The following MYO3B variants were observed in gnomAD, a reference collection of about 807,000 sequenced individuals.
MYO3B encodes myosin-IIIb.
A neutral mutation model predicts 174.6 loss-of-function variants in MYO3B; 156 were observed. The ratio of observed to expected loss-of-function variants is 0.89; its 90% CI spans 0.78 to 1.02. The LOEUF (loss-of-function observed/expected upper bound fraction) is 1.02. Ranked by LOEUF, MYO3B falls within the 50% of genes least tolerant of loss-of-function variation. The pLI is 0.00. For synonymous variants in MYO3B, 563 were observed against 569.1 expected (o/e 0.99, Z 0.15); for missense variants, 1,632 against 1,639.4 (o/e 1.00, Z 0.08).
intron 9 of MYO3B, among the ~76,000 whole-genome samples, chr2:170,374,240 C>T (rs1054765098): frequency 6.6e-6 from 1 of 152,078 alleles, no homozygotes; most frequent in African/African-American, 2.4e-5. Context: ...GCAAGGGAAT[C>T]GAGGTTAGTA....
At chr2:170,205,722 C>T (rs1159858221) in intron 3 of MYO3B, among the ~76,000 whole-genome samples, 3 of 152,080 alleles carry the variant, frequency 2.0e-5, no homozygotes, top group Non-Finnish European at 4.4e-5. Context: ...TTGATTACGT[C>T]AATATCTTCC....
chr2:170,212,303 TCCAAC>T, intron 3 of MYO3B, among the ~76,000 whole-genome samples: 1 of 150,960 alleles, frequency 6.6e-6, no homozygotes, highest in Admixed American at 6.6e-5. Flanking sequence ...AGTGAGTTTC[TCCAAC>T]AGGGAGAGAA....
At chr2:170,213,813 T>G (rs1426547620) in intron 3 of MYO3B, among the ~76,000 whole-genome samples, 1 of 152,248 alleles carries the variant, frequency 6.6e-6, no homozygotes, top group Non-Finnish European at 1.5e-5. Context: ...AATGCACTTA[T>G]GATGCAACTT....
intron 8 of MYO3B, among the ~76,000 whole-genome samples, chr2:170,356,252 C>T (rs1321981575): frequency 2.0e-5 from 3 of 151,934 alleles, no homozygotes; most frequent in Admixed American, 6.6e-5. Context: ...TGAGCCACCG[C>T]GCCTGGCCAA....
chr2:170,649,803 G>T (rs1278645505), intron 32 of MYO3B: 1 of 141,426 alleles, frequency 7.1e-6, no homozygotes, highest in Non-Finnish European at 1.5e-5. Context: ...CTCCAGCCTG[G>T]GCAACAGTGA....
intron 7 of MYO3B, among the ~76,000 whole-genome samples, chr2:170,245,725 A>G (rs2093182289): frequency 6.6e-6 from 1 of 152,230 alleles, no homozygotes; most frequent in African/African-American, 2.4e-5. Flanking sequence ...TTCTCAATAG[A>G]CAGGAATGAG....
intron 28 of MYO3B, among the ~76,000 whole-genome samples, chr2:170,514,094 A>C (rs1460990801): frequency 6.6e-6 from 1 of 152,080 alleles, no homozygotes; most frequent in Non-Finnish European, 1.5e-5. Flanking sequence ...ACCAGAAAAA[A>C]TCTCCTCCGT....
At chr2:170,212,959 T>C (rs2092788360) in intron 3 of MYO3B, among the ~76,000 whole-genome samples, 1 of 152,204 alleles carries the variant, frequency 6.6e-6, no homozygotes, top group African/African-American at 2.4e-5. Context: ...TCAGTAGCTT[T>C]TAGAATCTGG....
chr2:170,269,630 T>C (rs1053747706), intron 7 of MYO3B, among the ~76,000 whole-genome samples: 1 of 152,182 alleles, frequency 6.6e-6, no homozygotes, highest in African/African-American at 2.4e-5. Context: ...CGTAAGTTCA[T>C]TGAGGTAATA....
rs35100967 is a variant in MYO3B, at chr2:170,392,122, C to CA, written c.1677-238dup. On this transcript the variant is annotated intron_variant, in intron 15 of 34. Transcript: ENST00000408978. The stretch of plus-strand genomic sequence containing the variant: ...TGGGTGACAGAGCAAGACCCTGTCT[C>CA]AAAAAAAAAAAAAAAAAAAAATTAG... Among the ~76,000 whole-genome samples the CA allele has an allele frequency of 4.8e-3, 510 of 106,546 alleles. 2 individuals carry two copies. The highest frequency in any genetic ancestry group is 0.015 in the African/African-American group (422 of 28,254). The allele number at this position is 106,546 out of a possible 152,430, so 69.9% of individuals were successfully genotyped here.
chr2:170,573,153 CTA>C (rs34483699), intron 32 of MYO3B, among the ~76,000 whole-genome samples: 23 of 147,816 alleles, frequency 1.6e-4, no homozygotes, highest in African/African-American at 1.7e-4. Context: ...CTAGGGGATA[CTA>C]TATATATATA....
In MYO3B at chr2:170,453,455, A is replaced by ACACACACAC. The variant is rs1559016281; in HGVS notation, c.2730+9409_2730+9410insCACACACAC. On this transcript the variant is annotated intron_variant, in intron 23 of 34. Transcript: ENST00000408978. ...ACACACACACACACACACACACACGAGAGAGAGAGAGAGAAAGAGAGAGCG... is the reference window on the plus strand; with the variant it reads ...ACACACACACACACACACACACACGACACACACACGAGAGAGAGAGAGAAAGAGAGAGCG... Among the ~76,000 whole-genome samples, 717 of 102,076 alleles carry ACACACACAC rather than the reference A, an allele frequency of 7.0e-3. 2 individuals carry two copies. The highest frequency in any genetic ancestry group is 0.017 in the African/African-American group (439 of 25,434). The allele number at this position is 102,076 out of a possible 152,430, so 67.0% of individuals were successfully genotyped here. A position where few individuals can be genotyped will look rare whatever the true frequency, so the allele number is the denominator to read the frequency against.
intron 7 of MYO3B, among the ~76,000 whole-genome samples, chr2:170,314,268 C>T (rs139919559): frequency 3.9e-4 from 60 of 152,242 alleles, no homozygotes; most frequent in African/African-American, 1.2e-3. Flanking sequence ...AAATAGGCTC[C>T]GTTTCATTAA....
At chr2:170,242,193 C>G (rs1196694535) in intron 7 of MYO3B, among the ~76,000 whole-genome samples, 1 of 152,088 alleles carries the variant, frequency 6.6e-6, no homozygotes, top group Non-Finnish European at 1.5e-5. Context: ...CCAAGCTTCA[C>G]TCATAAAGCA....
chr2:170,293,953 G>C (rs562107462), intron 7 of MYO3B, among the ~76,000 whole-genome samples: 62 of 147,324 alleles, frequency 4.2e-4, no homozygotes, highest in African/African-American at 1.5e-3. Flanking sequence ...TTCACCACTG[G>C]TTGGGTGATT....
chr2:170,418,060 G>T (rs770484711), intron 22 of MYO3B, among the ~76,000 whole-genome samples: 35 of 152,344 alleles, frequency 2.3e-4, no homozygotes, highest in South Asian at 6.2e-4. Context: ...AGATTCCTGA[G>T]TTTAAATCAC....
At chr2:170,387,084 G>A (rs778657334) in intron 13 of MYO3B, 22 bp from the exon 14 acceptor site, 7 of 1,612,866 alleles carry the variant, frequency 4.3e-6, no homozygotes, top group Non-Finnish European at 5.9e-6. Flanking sequence ...GTCTCTTCTT[G>A]ACCGTTCTCT....
At chr2:170,329,302 A>G (rs1001636865) in intron 7 of MYO3B, among the ~76,000 whole-genome samples, 1 of 152,012 alleles carries the variant, frequency 6.6e-6, no homozygotes, top group East Asian at 1.9e-4. Context: ...AAATTCATGT[A>G]ATAAAAGGTC....
intron 8 of MYO3B, among the ~76,000 whole-genome samples, chr2:170,345,940 G>A (rs1461082397): frequency 1.3e-5 from 2 of 151,916 alleles, no homozygotes; most frequent in Non-Finnish European, 2.9e-5. Flanking sequence ...TACTTCCAGA[G>A]GGAGAATAGC....
Sources: allele counts gnomAD v4.1 joint callset (sites outside exome capture counted in the v4.1 genomes callset), GRCh38; gene constraint gnomAD v4.1.1; transcripts MANE v1.5; gene names NCBI Gene and HGNC (gene_info 2026-07-23, HGNC 2026-07-21).